The following AGBL1 variants were observed in gnomAD, a reference collection of about 807,000 sequenced individuals.
AGBL1 encodes the protein cytosolic carboxypeptidase 4.
A neutral mutation model predicts 118.9 loss-of-function variants in AGBL1; 130 were observed. The ratio of observed to expected loss-of-function variants is 1.09; its 90% CI spans 0.95 to 1.26. AGBL1 has a LOEUF of 1.26. Ranked by LOEUF, AGBL1 falls within the 50% of genes most tolerant of loss-of-function variation. The probability of loss-of-function intolerance (pLI) is 0.00; values close to 1 mark genes in which losing one functional copy is unlikely to be tolerated. For missense variants in AGBL1, 1,584 were observed against 1,298.1 expected, an observed-to-expected ratio of 1.22 and a Z score of -3.38; for synonymous variants, 555 against 478.9, an observed-to-expected ratio of 1.16 and a Z score of -2.08.
chr15:86,301,208 G>A (rs905184312), intron 17 of AGBL1, among the ~76,000 whole-genome samples: 1 of 152,048 alleles, frequency 6.6e-6, no homozygotes, highest in African/African-American at 2.4e-5. Flanking sequence ...AGACATGTGG[G>A]GACAAGTATC....
At chr15:86,630,003 G>T (rs1316135642) in intron 21 of AGBL1, among the ~76,000 whole-genome samples, 1 of 152,228 alleles carries the variant, frequency 6.6e-6, no homozygotes, top group African/African-American at 2.4e-5. Context: ...TATTGCAATT[G>T]CAGATACATT....
At chr15:86,798,559 A>G (rs2078606108) in intron 22 of AGBL1, among the ~76,000 whole-genome samples, 1 of 151,990 alleles carries the variant, frequency 6.6e-6, no homozygotes, top group Non-Finnish European at 1.5e-5. Flanking sequence ...TATAATAGCA[A>G]TGAACTAGAC....
chr15:86,454,066 A>C (rs78084364), intron 18 of AGBL1, among the ~76,000 whole-genome samples: 4,962 of 152,064 alleles, frequency 0.033, 133 homozygotes, highest in African/African-American at 0.074. Context: ...TCTCTTCACT[A>C]CGTATGGAAG....
chr15:86,917,451 TA>T (rs915378403), downstream of AGBL1, among the ~76,000 whole-genome samples: 21 of 152,100 alleles, frequency 1.4e-4, no homozygotes, highest in Admixed American at 1.3e-3. The surrounding 1 kb of genome is among the most constrained non-coding windows in gnomAD (Gnocchi z 4.8). Context: ...GCAAGAGGGT[TA>T]GGGAAAGGGA....
intron 18 of AGBL1, among the ~76,000 whole-genome samples, chr15:86,500,925 T>C (rs1262818611): frequency 6.6e-6 from 1 of 151,780 alleles, no homozygotes; most frequent in African/African-American, 2.4e-5. Flanking sequence ...TTGTTTCCTC[T>C]TTCTGACTGA....
intron 22 of AGBL1, among the ~76,000 whole-genome samples, chr15:86,769,204 A>G (rs1000269840): frequency 6.6e-5 from 4 of 60,278 alleles, no homozygotes; most frequent in South Asian, 7.8e-4. Context: ...AGAAAGAGGG[A>G]GAGAGAGAGA....
chr15:86,127,542 GCC>G (rs1323095128), intron 1 of AGBL1, among the ~76,000 whole-genome samples: 30 of 152,162 alleles, frequency 2.0e-4, no homozygotes, highest in Non-Finnish European at 5.9e-5. Context: ...CCAAAAGCAG[GCC>G]ACGTGGCCGA....
chr15:86,872,514 G>A (rs1440216534), intron 22 of AGBL1, among the ~76,000 whole-genome samples: 1 of 152,194 alleles, frequency 6.6e-6, no homozygotes, highest in Non-Finnish European at 1.5e-5. Context: ...CCAGCACTTT[G>A]GGAGGCTGAG....
chr15:86,295,280 G>C lies in AGBL1; in HGVS notation c.2246G>C (p.Ser749Thr), dbSNP rs1361866580. ...ACTCATCTTGACATCCTGGAAAAGA[G>C]TGTCAACCTCAAAGAGGTCTACTTC... ...LMTHLDILEK[S>T]VNLKEVYFRQ... Residue 749 changes from serine to threonine, a missense_variant, in exon 17 of 23, where the codon AGT (serine) becomes ACT (threonine). Ser to Thr is a moderately conservative substitution (Grantham distance 58). Transcript: ENST00000614907. 1.9e-6 allele frequency: 3 copies of C among 1,613,594 alleles called. No homozygotes were observed. The highest frequency in any genetic ancestry group is 2.5e-6 in the Non-Finnish European group (3 of 1,179,736).
At chr15:86,724,362 C>T (rs566570180) in intron 22 of AGBL1, among the ~76,000 whole-genome samples, 53 of 151,992 alleles carry the variant, frequency 3.5e-4, no homozygotes, top group African/African-American at 1.0e-3. Context: ...GAGGGGCTAC[C>T]GGTGTGGATC....
intron 21 of AGBL1, among the ~76,000 whole-genome samples, chr15:86,604,607 A>G (rs1464898302): frequency 6.6e-6 from 1 of 152,174 alleles, no homozygotes; most frequent in African/African-American, 2.4e-5. Flanking sequence ...TTACCTTTTA[A>G]TAATACCTGT....
chr15:86,101,076 T>G (rs1016003222), intron 1 of AGBL1, among the ~76,000 whole-genome samples: 3 of 152,178 alleles, frequency 2.0e-5, no homozygotes, highest in African/African-American at 7.2e-5. Context: ...AATTTTCCTT[T>G]GTTTCAAGAA....
At chr15:86,085,192 C>G (rs181207804) in intron 1 of AGBL1, among the ~76,000 whole-genome samples, 3 of 152,232 alleles carry the variant, frequency 2.0e-5, no homozygotes, top group Non-Finnish European at 4.4e-5. Context: ...GGGAAGAAAC[C>G]TCTCCTGATT....
rs1444763946 is a variant in AGBL1 at position 87,002,006 on chromosome 15, G to T, written c.3323+13918G>T. Reference sequence around the variant, plus strand: ...AATTAGATCCCATTTGTCAATTTTGGCTTTGGTTGCCATTGCTTTTGGTGT... The same window carrying T: ...AATTAGATCCCATTTGTCAATTTTGTCTTTGGTTGCCATTGCTTTTGGTGT... On this transcript the variant is annotated intron_variant, in intron 24 of 24. Transcript: ENST00000441037. Among the ~76,000 whole-genome samples, 7 of 151,972 alleles carry T rather than the reference G, an allele frequency of 4.6e-5. No homozygotes were observed. The East Asian group carries it at 1.3e-3, about 29-fold the overall frequency.
At chr15:86,796,166 G>T (rs2078567622) in intron 22 of AGBL1, among the ~76,000 whole-genome samples, 1 of 152,064 alleles carries the variant, frequency 6.6e-6, no homozygotes, top group African/African-American at 2.4e-5. Flanking sequence ...ATTAACTGTT[G>T]GTGTCAGCAT....
intron 21 of AGBL1, among the ~76,000 whole-genome samples, chr15:86,583,044 A>AT (rs767697508): frequency 1.1e-3 from 167 of 151,074 alleles, no homozygotes; most frequent in Middle Eastern, 3.4e-3. Context: ...ATTTTTTGAA[A>AT]TTTTTTTTTT....
chr15:86,795,021 C>T (rs2141337648), intron 22 of AGBL1, among the ~76,000 whole-genome samples: 1 of 152,270 alleles, frequency 6.6e-6, no homozygotes, highest in Non-Finnish European at 1.5e-5. Flanking sequence ...AGACCCAGCA[C>T]CCTGGGGGAT....
chr15:86,360,939 G>A (rs910601021), intron 17 of AGBL1, among the ~76,000 whole-genome samples: 9 of 151,726 alleles, frequency 5.9e-5, no homozygotes, highest in African/African-American at 2.2e-4. Flanking sequence ...TTTCAGTTTT[G>A]TTAATTTTGT....
chr15:86,184,089 A>C (rs1285392570), intron 5 of AGBL1, among the ~76,000 whole-genome samples: 1 of 152,216 alleles, frequency 6.6e-6, no homozygotes, highest in African/African-American at 2.4e-5. Context: ...TGTCTTATTG[A>C]TAGAGATGTG....
Sources: gnomAD v4.1 joint callset for allele counts (sites outside exome capture counted in the v4.1 genomes callset) on GRCh38, gnomAD v4.1.1 for gene constraint, Gnocchi (gnomAD v3.1) non-coding constraint, MANE v1.5 for transcripts, NCBI Gene and HGNC (gene_info 2026-07-23, HGNC 2026-07-21) for gene names.